Variants in COG5 observed in about 807,000 individuals in gnomAD.
COG5 encodes the protein component of oligomeric golgi complex 5.
In COG5, 86 loss-of-function variants were observed where a neutral mutation model predicts 110.4. That is an observed-to-expected ratio of 0.78 (90% CI 0.65 to 0.93). COG5 has a LOEUF of 0.93. Ranked by LOEUF, COG5 falls within the 40% of genes least tolerant of loss-of-function variation. The pLI is 0.00. For synonymous variants in COG5, 360 were observed against 334.6 expected, an observed-to-expected ratio of 1.08 and a Z score of -0.83; for missense variants, 1,077 against 987.0, an observed-to-expected ratio of 1.09 and a Z score of -1.22.
chr7:107,338,485 T>C (rs924352686), intron 10 of COG5, among the ~76,000 whole-genome samples: 27 of 152,082 alleles, frequency 1.8e-4, no homozygotes, highest in Admixed American at 2.6e-4. Context: ...CCTTATACCA[T>C]ACATAAAAAT....
In COG5 at chr7:107,256,826, C is replaced by T. The variant is rs185473214; in HGVS notation, c.1687-32G>A. 1,072 of 1,513,620 alleles carry T rather than the reference C, an allele frequency of 7.1e-4. 2 individuals are homozygous for T. The highest frequency in any genetic ancestry group is 4.3e-3 in the Middle Eastern group (23 of 5,332). 93.8% of individuals were successfully genotyped at this position (1,513,620 alleles called of 1,614,324 possible). A position where few individuals can be genotyped will look rare whatever the true frequency, so the allele number is the denominator to read the frequency against. On this transcript the variant is annotated intron_variant, in intron 15 of 21. Coordinates refer to ENST00000297135, the MANE Select transcript of COG5 (RefSeq NM_006348.5). ...CAAGGTTTTGATCCAGTTATAGTTT[C>T]GCTTAAGTCTATTTCTGTAAATACT...
chr7:107,525,647 G>A (rs533693152), intron 6 of COG5, among the ~76,000 whole-genome samples: 62 of 152,126 alleles, frequency 4.1e-4, no homozygotes, highest in Non-Finnish European at 8.2e-4. Context: ...CTAACTTGTG[G>A]GCTCGAGTGA....
intron 2 of COG5, among the ~76,000 whole-genome samples, 160 bp downstream of exon 2, chr7:107,557,816 G>T (rs1330718989): frequency 1.3e-5 from 2 of 152,196 alleles, no homozygotes; most frequent in Admixed American, 6.5e-5. Flanking sequence ...ACAAAAAGTG[G>T]TTTACAGAAA....
rs185826166 is a variant in COG5 at position 107,444,557 on chromosome 7, C to T, written c.539-31925G>A. Among the ~76,000 whole-genome samples the T allele has an allele frequency of 1.4e-3, 210 of 152,220 alleles. 1 individual carries two copies. The highest frequency in any genetic ancestry group is 4.6e-3 in the African/African-American group (193 of 41,554). ...TTTAATGAAACTTGTTCTAATTCTT[C>T]AAACAATATGGTTTATTTTGAAACT... is the stretch of plus-strand genomic sequence containing the variant. On this transcript the variant is annotated intron_variant, in intron 6 of 21. Coordinates refer to ENST00000297135, the MANE Select transcript of COG5 (RefSeq NM_006348.5).
intron 17 of COG5, among the ~76,000 whole-genome samples, chr7:107,238,493 T>C (rs1801371785): frequency 6.6e-6 from 1 of 152,204 alleles, no homozygotes; most frequent in Non-Finnish European, 1.5e-5. Flanking sequence ...CATACTGATT[T>C]CAAGTTCTTA....
intron 16 of COG5, among the ~76,000 whole-genome samples, chr7:107,251,071 T>G (rs1315332677): frequency 1.4e-5 from 2 of 143,584 alleles, no homozygotes; most frequent in East Asian, 4.1e-4. Flanking sequence ...TGATGAGAAC[T>G]ATGCCTAGGC....
At chr7:107,295,522 T>C (rs1432698866) in intron 12 of COG5, among the ~76,000 whole-genome samples, 2 of 152,100 alleles carry the variant, frequency 1.3e-5, no homozygotes, top group African/African-American at 2.4e-5. Context: ...TAGGGCCTGA[T>C]TCCATTCATT....
chr7:107,266,041 G>A (rs1222409507), intron 14 of COG5, among the ~76,000 whole-genome samples: 2 of 152,032 alleles, frequency 1.3e-5, no homozygotes, highest in African/African-American at 4.8e-5. Flanking sequence ...GACAGACCCT[G>A]TCTCCAAATA....
intron 7 of COG5, among the ~76,000 whole-genome samples, chr7:107,385,121 GAC>G (rs1178793679): frequency 2.6e-5 from 4 of 152,142 alleles, no homozygotes; most frequent in African/African-American, 9.7e-5. Context: ...AAAGCACAGA[GAC>G]ACACAGCGAA....
chr7:107,327,795 A>G (rs1040791896), intron 10 of COG5, among the ~76,000 whole-genome samples: 1 of 152,222 alleles, frequency 6.6e-6, no homozygotes, highest in African/African-American at 2.4e-5. Context: ...AAACTGGTAA[A>G]TAACAAGTCT....
chr7:107,219,787 G>A (rs1023875865), intron 19 of COG5, among the ~76,000 whole-genome samples: 13 of 152,138 alleles, frequency 8.5e-5, no homozygotes, highest in Non-Finnish European at 1.5e-4. Flanking sequence ...TAGTTGGTAG[G>A]AATGCATAGT....
At chr7:107,334,868 A>G (rs1810575775) in intron 10 of COG5, among the ~76,000 whole-genome samples, 1 of 152,182 alleles carries the variant, frequency 6.6e-6, no homozygotes. Flanking sequence ...AAACAAAACC[A>G]GAATACTCTA....
intron 6 of COG5, among the ~76,000 whole-genome samples, chr7:107,451,191 A>G (rs911169007): frequency 1.3e-5 from 2 of 152,182 alleles, no homozygotes; most frequent in Non-Finnish European, 2.9e-5. Flanking sequence ...GTTGTGCATG[A>G]CTTCACAGGA....
intron 6 of COG5, among the ~76,000 whole-genome samples, chr7:107,436,968 G>A (rs1563034261): frequency 5.3e-5 from 8 of 152,268 alleles, no homozygotes; most frequent in Admixed American, 5.2e-4. Context: ...CTTGAATTAA[G>A]TAAGACATTT....
chr7:107,217,194 G>A (rs1449642715), intron 19 of COG5, among the ~76,000 whole-genome samples: 2 of 151,910 alleles, frequency 1.3e-5, no homozygotes, highest in Non-Finnish European at 2.9e-5. Context: ...AACAGAAATA[G>A]AACAAACAGA....
intron 6 of COG5, among the ~76,000 whole-genome samples, chr7:107,485,675 A>G (rs1797618429): frequency 6.6e-6 from 1 of 152,198 alleles, no homozygotes; most frequent in Non-Finnish European, 1.5e-5. Context: ...GAAAAAAATT[A>G]TAAAAGCACT....
chr7:107,383,282 T>C (rs1815289475), intron 7 of COG5, among the ~76,000 whole-genome samples: 1 of 151,228 alleles, frequency 6.6e-6, no homozygotes, highest in Non-Finnish European at 1.5e-5. Flanking sequence ...TGTCCCAGGC[T>C]CAATTCCAAG....
At chr7:107,526,901 G>C (rs1165108559) in intron 6 of COG5, among the ~76,000 whole-genome samples, 1 of 152,164 alleles carries the variant, frequency 6.6e-6, no homozygotes, top group Non-Finnish European at 1.5e-5. Flanking sequence ...AGGCATCACC[G>C]TGAAGGGATA....
intron 14 of COG5, among the ~76,000 whole-genome samples, chr7:107,279,248 A>G (rs1804964781): frequency 6.6e-6 from 1 of 152,232 alleles, no homozygotes; most frequent in South Asian, 2.1e-4. Context: ...ATACCATCTC[A>G]TGCCAGTCAG....
Sources: allele counts gnomAD v4.1 joint callset (sites outside exome capture counted in the v4.1 genomes callset), GRCh38; gene constraint gnomAD v4.1.1; transcripts MANE v1.5; gene names NCBI Gene and HGNC (gene_info 2026-07-23, HGNC 2026-07-21).